Variants in BCKDHB observed in about 807,000 individuals in gnomAD.
The protein encoded by BCKDHB is branched chain keto acid dehydrogenase E1 subunit beta, also known as 2-oxoisovalerate dehydrogenase subunit beta, mitochondrial.
BCKDHB carries 41 observed loss-of-function variants against 48.5 expected under a neutral mutation model. The ratio of observed to expected loss-of-function variants is 0.85; its 90% CI spans 0.66 to 1.10. The LOEUF is 1.10. Ranked by LOEUF, BCKDHB falls within the 50% of genes least tolerant of loss-of-function variation. The probability of loss-of-function intolerance (pLI) is 0.00; values close to 1 mark genes in which losing one functional copy is unlikely to be tolerated. For missense variants in BCKDHB, 496 were observed against 494.2 expected (o/e 1.00, Z -0.03); for synonymous variants, 201 against 174.8 (o/e 1.15, Z -1.18).
chr6:80,460,075 T>C, the BCKDHB span, among the ~76,000 whole-genome samples: 6 of 152,118 alleles, frequency 3.9e-5, no homozygotes, highest in Non-Finnish European at 8.8e-5. Flanking sequence ...GCTTCCATAT[T>C]AGAAAAGATG....
intron 6 of BCKDHB, among the ~76,000 whole-genome samples, chr6:80,187,707 C>A (rs889629071): frequency 1.3e-5 from 2 of 152,044 alleles, no homozygotes; most frequent in African/African-American, 4.8e-5. Flanking sequence ...AATCATGTAG[C>A]CAACAAGCAT....
intron 8 of BCKDHB, among the ~76,000 whole-genome samples, chr6:80,252,905 T>C (rs1448332162): frequency 6.6e-6 from 1 of 152,144 alleles, no homozygotes; most frequent in Non-Finnish European, 1.5e-5. Flanking sequence ...TCTTTCTTCT[T>C]CCTTCTCTTT....
At chr6:80,164,696 A>G (rs1772486934) in intron 3 of BCKDHB, among the ~76,000 whole-genome samples, 1 of 152,218 alleles carries the variant, frequency 6.6e-6, no homozygotes, top group African/African-American at 2.4e-5. Context: ...TAATTTTTCT[A>G]TTACACATAA....
At chr6:80,259,798 A>G (rs1777216197) in intron 8 of BCKDHB, among the ~76,000 whole-genome samples, 1 of 152,192 alleles carries the variant, frequency 6.6e-6, no homozygotes, top group Non-Finnish European at 1.5e-5. Flanking sequence ...AGTAAAGCCA[A>G]AAACCCAATT....
At chr6:80,377,478 G>C in the BCKDHB span, among the ~76,000 whole-genome samples, 1 of 151,988 alleles carries the variant, frequency 6.6e-6, no homozygotes, top group Non-Finnish European at 1.5e-5. Flanking sequence ...TACAGTTTTA[G>C]CTCTTAAATT....
chr6:80,131,541 G>A (rs1223496694), intron 3 of BCKDHB, among the ~76,000 whole-genome samples: 2 of 151,678 alleles, frequency 1.3e-5, no homozygotes, highest in African/African-American at 4.9e-5. Flanking sequence ...TCTTTTCTTA[G>A]CAGTCACCAC....
chr6:80,315,100 G>A (rs1410453210), intron 9 of BCKDHB, among the ~76,000 whole-genome samples: 1 of 152,174 alleles, frequency 6.6e-6, no homozygotes, highest in African/African-American at 2.4e-5. Flanking sequence ...AATGGGGCCT[G>A]TAGAACTGAC....
At chr6:80,316,113 A>T (rs1768433057) in intron 9 of BCKDHB, among the ~76,000 whole-genome samples, 2 of 152,236 alleles carry the variant, frequency 1.3e-5, no homozygotes, top group Admixed American at 1.3e-4. Context: ...TAGGATTCCG[A>T]AACAGTGAAA....
intron 3 of BCKDHB, among the ~76,000 whole-genome samples, chr6:80,161,179 G>T (rs1398948115): frequency 6.6e-6 from 1 of 152,048 alleles, no homozygotes; most frequent in Admixed American, 6.5e-5. Flanking sequence ...GAAACTTACT[G>T]TGTCATTATA....
At chr6:80,252,578 C>A (rs1015942858) in intron 8 of BCKDHB, among the ~76,000 whole-genome samples, 2 of 152,062 alleles carry the variant, frequency 1.3e-5, no homozygotes, top group Admixed American at 1.3e-4. Flanking sequence ...TGTTTAAAAG[C>A]ATTGAGTGAA....
chr6:80,236,815 CT>C, intron 8 of BCKDHB, among the ~76,000 whole-genome samples: 1 of 152,246 alleles, frequency 6.6e-6, no homozygotes, highest in East Asian at 1.9e-4. Context: ...GAGACTTTAT[CT>C]TATATTTTAT....
the BCKDHB span, among the ~76,000 whole-genome samples, chr6:80,409,442 T>G: frequency 1.7e-4 from 25 of 151,298 alleles, no homozygotes; most frequent in East Asian, 4.3e-3. Flanking sequence ...TTTGTTAATC[T>G]TCTGTCTCAT....
At chr6:80,348,758 CAA>C (rs1409661334), downstream of BCKDHB, among the ~76,000 whole-genome samples, 1 of 152,056 alleles carries the variant, frequency 6.6e-6, no homozygotes, top group Non-Finnish European at 1.5e-5. Context: ...AACATGACCC[CAA>C]AAAAGTCACA....
chr6:80,265,002 C>T (rs1777454870), intron 8 of BCKDHB, among the ~76,000 whole-genome samples: 1 of 152,036 alleles, frequency 6.6e-6, no homozygotes. Flanking sequence ...ATCACAATCA[C>T]AATGAGATAC....
intron 9 of BCKDHB, among the ~76,000 whole-genome samples, chr6:80,274,601 CTTG>C (rs1441289696): frequency 2.6e-5 from 4 of 151,880 alleles, no homozygotes; most frequent in Non-Finnish European, 5.9e-5. Context: ...CTTTGACAGC[CTTG>C]TTGTGTTTTG....
chr6:80,261,741 C>T (rs760849933), intron 8 of BCKDHB, among the ~76,000 whole-genome samples: 7 of 152,088 alleles, frequency 4.6e-5, no homozygotes, highest in Non-Finnish European at 8.8e-5. Flanking sequence ...GTTAGCTCTT[C>T]GGTTGAGAGT....
the BCKDHB span, among the ~76,000 whole-genome samples, chr6:80,461,822 G>T: frequency 6.6e-6 from 1 of 152,022 alleles, no homozygotes; most frequent in Non-Finnish European, 1.5e-5. Context: ...ACAAACAGTT[G>T]TCCTTATGAT....
At chr6:80,284,098 G>C (rs116385767) in intron 9 of BCKDHB, among the ~76,000 whole-genome samples, 2,342 of 152,082 alleles carry the variant, frequency 0.015, 83 homozygotes, top group African/African-American at 0.053. Context: ...GCTCATTTTG[G>C]TTTGGTAATT....
At chr6:80,390,413 A>T in the BCKDHB span, among the ~76,000 whole-genome samples, 1 of 152,230 alleles carries the variant, frequency 6.6e-6, no homozygotes, top group African/African-American at 2.4e-5. Context: ...AATACCAGCT[A>T]TGACCATGTG....
Sources: gnomAD v4.1 joint callset for allele counts (sites outside exome capture counted in the v4.1 genomes callset) on GRCh38, gnomAD v4.1.1 for gene constraint, MANE v1.5 for transcripts, NCBI Gene and HGNC (gene_info 2026-07-23, HGNC 2026-07-21) for gene names.